The following HS6ST2 variants were observed in gnomAD, a reference collection of about 807,000 sequenced individuals.
HS6ST2 encodes the protein heparan-sulfate 6-O-sulfotransferase 2.
A neutral mutation model predicts 33.0 loss-of-function variants in HS6ST2; 17 were observed. That is an observed-to-expected ratio of 0.52 (90% confidence interval 0.35 to 0.77). The LOEUF (loss-of-function observed/expected upper bound fraction) is 0.77. Ranked by LOEUF, HS6ST2 falls within the 30% of genes least tolerant of loss-of-function variation. HS6ST2 has a pLI of 0.01. For missense variants in HS6ST2, 519 were observed against 551.7 expected, an observed-to-expected ratio of 0.94 and a Z score of 0.59; for synonymous variants, 248 against 237.1, an observed-to-expected ratio of 1.05 and a Z score of -0.42.
At chrX:132,731,741 G>T (rs191647300) in intron 2 of HS6ST2, among the ~76,000 whole-genome samples, 1,368 of 111,441 alleles carry the variant, frequency 0.012, 25 homozygotes, top group African/African-American at 0.043. Context: ...CAGCTACTCG[G>T]GAGGCTGAGG....
chrX:132,874,681 A>C (rs922173924), intron 2 of HS6ST2, among the ~76,000 whole-genome samples: 1 of 112,161 alleles, frequency 8.9e-6, no homozygotes, highest in African/African-American at 3.2e-5. Flanking sequence ...AGGATGCCAG[A>C]TCATAGTCAA....
At chrX:132,945,132 T>G (rs1212758487) in intron 2 of HS6ST2, among the ~76,000 whole-genome samples, 1 of 111,780 alleles carries the variant, frequency 8.9e-6, no homozygotes, top group Non-Finnish European at 1.9e-5. Flanking sequence ...ATCCAGAATC[T>G]ACAAAGAACT....
intron 4 of HS6ST2, among the ~76,000 whole-genome samples, chrX:132,644,996 A>G (rs1396826135): frequency 9.0e-6 from 1 of 110,864 alleles, no homozygotes; most frequent in African/African-American, 3.3e-5. Flanking sequence ...CTTAGTTACT[A>G]TTTCTTTGGT....
At chrX:132,723,365 T>C (rs1002315774) in intron 2 of HS6ST2, among the ~76,000 whole-genome samples, 2 of 110,803 alleles carry the variant, frequency 1.8e-5, no homozygotes, top group Non-Finnish European at 3.8e-5. Context: ...CAAAGACACA[T>C]CAAAAAAAGA....
rs1191622696 is a variant in HS6ST2 at position 132,956,885 on chromosome X, G to A, written c.870C>T (p.His290=). ...RFSTGWSCGL[H]ADWTELTSCV... is the part of the protein sequence containing the mutation. ...AGCTGGTGAGCTCGGTCCAGTCGGC[G>A]TGCAACCCGCAGCTCCAGCCCGTGG... Residue 290 remains histidine (H), a synonymous_variant, in exon 2 of 5, where the codon CAC becomes CAT. Coordinates refer to ENST00000370833, the MANE Select transcript of HS6ST2 (RefSeq NM_001394073.1). The A allele has an allele frequency of 2.5e-6, 3 of 1,190,385 alleles. No individual in the cohort carries two copies. Among genetic ancestry groups the A allele is most frequent in the East Asian group, 6.1e-5 (2 of 32,527 alleles).
chrX:132,810,010 C>G (rs1008606788), intron 2 of HS6ST2, among the ~76,000 whole-genome samples: 8 of 111,790 alleles, frequency 7.2e-5, no homozygotes, highest in African/African-American at 2.6e-4. Flanking sequence ...CCCTTCCCCA[C>G]TGAGTCTTCG....
intron 2 of HS6ST2, among the ~76,000 whole-genome samples, chrX:132,834,945 T>G (rs1055138044): frequency 6.2e-5 from 7 of 112,402 alleles, no homozygotes; most frequent in Non-Finnish European, 1.1e-4. Flanking sequence ...TGTTTTCAGC[T>G]TTTAATAACC....
Position 132,669,205 on chromosome X carries a change from C to G in HS6ST2, c.981-6G>C, listed in dbSNP as rs773561994. The G allele has an allele frequency of 8.3e-7, 1 of 1,197,777 alleles. No homozygotes were observed. Among genetic ancestry groups the G allele is most frequent in the East Asian group, 3.0e-5 (1 of 33,597 alleles). ...GAGAACCCCGTTTATCCTTACTATACCCACAGAAAGAATAGAAAACATATA... is the reference window on the plus strand; with the variant it reads ...GAGAACCCCGTTTATCCTTACTATAGCCACAGAAAGAATAGAAAACATATA... On this transcript the variant is annotated splice_region_variant and splice_polypyrimidine_tract_variant and intron_variant, in intron 3 of 4. Coordinates refer to ENST00000370833, the MANE Select transcript of HS6ST2 (RefSeq NM_001394073.1).
At chrX:132,911,804 A>AT (rs757386392) in intron 2 of HS6ST2, among the ~76,000 whole-genome samples, 44 of 110,032 alleles carry the variant, frequency 4.0e-4, no homozygotes, top group African/African-American at 1.5e-3. Context: ...CGCCTGGCTA[A>AT]TTTTTTGTAT....
chrX:132,825,382 T>A (rs1030165788), intron 2 of HS6ST2, among the ~76,000 whole-genome samples: 2 of 111,697 alleles, frequency 1.8e-5, no homozygotes, highest in Non-Finnish European at 3.8e-5. Flanking sequence ...CTGCAGAGAA[T>A]CCTTGGCCTG....
intron 2 of HS6ST2, among the ~76,000 whole-genome samples, chrX:132,833,761 C>CT (rs1238291305): frequency 0.012 from 1,225 of 98,101 alleles, 15 homozygotes; most frequent in Non-Finnish European, 0.02. Context: ...ACGGCCAGAT[C>CT]TTTTTTTTTT....
intron 2 of HS6ST2, among the ~76,000 whole-genome samples, chrX:132,854,657 G>GCAAAA (rs2065835320): frequency 1.8e-5 from 2 of 112,427 alleles, no homozygotes; most frequent in Non-Finnish European, 3.8e-5. Flanking sequence ...ATAGACACAA[G>GCAAAA]GAACCTTCTG....
intron 2 of HS6ST2, among the ~76,000 whole-genome samples, chrX:132,756,549 C>G (rs977348896): frequency 1.8e-5 from 2 of 110,605 alleles, no homozygotes; most frequent in Admixed American, 9.7e-5. Context: ...GCTCGCCCAG[C>G]CTCCTGGCCT....
intron 4 of HS6ST2, among the ~76,000 whole-genome samples, chrX:132,644,392 T>TG (rs2063626194): frequency 9.0e-6 from 1 of 111,388 alleles, no homozygotes; most frequent in Admixed American, 9.6e-5. Context: ...ATTCCCATTT[T>TG]GCAGCTAAGG....
At chrX:132,819,968 A>G (rs1245710247) in intron 2 of HS6ST2, among the ~76,000 whole-genome samples, 3 of 112,247 alleles carry the variant, frequency 2.7e-5, no homozygotes, top group Non-Finnish European at 5.6e-5. Flanking sequence ...ATGTCACGCC[A>G]CCGTATTTCT....
intron 3 of HS6ST2, among the ~76,000 whole-genome samples, chrX:132,670,687 T>C (rs1367302610): frequency 8.9e-6 from 1 of 111,843 alleles, no homozygotes; most frequent in Non-Finnish European, 1.9e-5. Context: ...GTGGCGGGCG[T>C]CTGTAATCCC....
At chrX:132,662,830 T>C (rs1439065609) in intron 4 of HS6ST2, among the ~76,000 whole-genome samples, 2 of 112,108 alleles carry the variant, frequency 1.8e-5, no homozygotes, top group Non-Finnish European at 3.8e-5. Flanking sequence ...TATGTTATTA[T>C]GTTATATTGT....
chrX:132,880,449 T>C (rs569689027), intron 2 of HS6ST2, among the ~76,000 whole-genome samples: 1 of 105,480 alleles, frequency 9.5e-6, no homozygotes, highest in South Asian at 4.4e-4. Flanking sequence ...GGCAGGAGAA[T>C]CACTTGAACC....
At chrX:132,716,859 A>G (rs1482795381) in intron 2 of HS6ST2, among the ~76,000 whole-genome samples, 1 of 112,150 alleles carries the variant, frequency 8.9e-6, no homozygotes, top group Non-Finnish European at 1.9e-5. Flanking sequence ...ATGCTATTTC[A>G]GCACTGTTTC....
Sources: gnomAD v4.1 joint callset for allele counts (sites outside exome capture counted in the v4.1 genomes callset) on GRCh38, gnomAD v4.1.1 for gene constraint, MANE v1.5 for transcripts, NCBI Gene and HGNC (gene_info 2026-07-23, HGNC 2026-07-21) for gene names.